The following GIGYF2 variants were observed in gnomAD, a reference collection of about 807,000 sequenced individuals.
GIGYF2 encodes GRB10-interacting GYF protein 2.
A neutral mutation model predicts 208.1 loss-of-function variants in GIGYF2; 25 were observed. The observed-to-expected ratio is 0.12, with a 90% confidence interval of 0.09 to 0.17. The LOEUF (loss-of-function observed/expected upper bound fraction) is 0.17. Ranked by LOEUF, GIGYF2 falls within the 10% of genes least tolerant of loss-of-function variation. The probability of loss-of-function intolerance (pLI) is 1.00; values close to 1 mark genes in which losing one functional copy is unlikely to be tolerated. For missense variants in GIGYF2, 1,302 were observed against 1,579.4 expected, an observed-to-expected ratio of 0.82 and a Z score of 2.98; for synonymous variants, 534 against 543.8, an observed-to-expected ratio of 0.98 and a Z score of 0.25.
chr2:232,808,103 T>C (rs1163981760), intron 15 of GIGYF2, among the ~76,000 whole-genome samples: 1 of 152,202 alleles, frequency 6.6e-6, no homozygotes, highest in Non-Finnish European at 1.5e-5. Context: ...CACAATCCAC[T>C]AATGTGTTGA....
intron 2 of GIGYF2, among the ~76,000 whole-genome samples, chr2:232,730,909 A>AG (rs1697460165): frequency 6.6e-6 from 1 of 151,348 alleles, no homozygotes; most frequent in Admixed American, 6.6e-5. Flanking sequence ...AAAAAAAAAA[A>AG]AAAAAAAAAA....
chr2:232,816,336 T>C (rs547473982), intron 19 of GIGYF2, among the ~76,000 whole-genome samples: 14 of 152,340 alleles, frequency 9.2e-5, no homozygotes, highest in Admixed American at 3.3e-4. Flanking sequence ...TTATACTTAA[T>C]GCATTCTTAT....
Position 232,858,673 on chromosome 2 carries a change from C to A in GIGYF2, c.*1813C>A. On this transcript the variant is annotated 3_prime_UTR_variant, in exon 29 of 29. Coordinates refer to ENST00000373563, the MANE Select transcript of GIGYF2 (RefSeq NM_001103146.3). ...TCACCTTTATGGAGGCTGAGTTCTG[C>A]ACTAAACTGTTCCTCTTGGTACCAT... The A allele has an allele frequency of 4.9e-6, 2 of 405,052 alleles. No individual in the cohort carries two copies. Among genetic ancestry groups the A allele is most frequent in the South Asian group, 1.8e-5 (1 of 55,310 alleles). The allele number at this position is 405,052 out of a possible 1,614,324, so 25.1% of individuals were successfully genotyped here.
intron 20 of GIGYF2, among the ~76,000 whole-genome samples, chr2:232,818,203 G>T (rs1479704533): frequency 6.6e-6 from 1 of 152,048 alleles, no homozygotes; most frequent in Non-Finnish European, 1.5e-5. Context: ...AAGTATCTTT[G>T]GCTAAGACTT....
Position 232,817,052 on chromosome 2 carries a change from G to T in GIGYF2, c.2370+20G>T. On this transcript the variant is annotated intron_variant, in intron 20 of 28. Coordinates refer to ENST00000373563, the MANE Select transcript of GIGYF2 (RefSeq NM_001103146.3). The stretch of plus-strand genomic sequence containing the variant: ...AAACAGGTATGTATCTGGGAACTCT[G>T]ACCATAGGATTAGTGCTTGATGAGG... 6.3e-7 allele frequency: 1 copy of T among 1,584,308 alleles called. No homozygotes were observed. The highest frequency in any genetic ancestry group is 1.1e-5 in the South Asian group (1 of 90,464).
At chr2:232,786,301 G>C (rs892532614) in intron 8 of GIGYF2, among the ~76,000 whole-genome samples, 1 of 151,908 alleles carries the variant, frequency 6.6e-6, no homozygotes, top group African/African-American at 2.4e-5. Context: ...ACAGTGTCGC[G>C]ATCTCTGCTT....
At chr2:232,839,313 A>G (rs1039893404) in intron 22 of GIGYF2, among the ~76,000 whole-genome samples, 5 of 152,228 alleles carry the variant, frequency 3.3e-5, no homozygotes, top group Non-Finnish European at 4.4e-5. Flanking sequence ...CTTAATGCTC[A>G]TGACTAGAAG....
chr2:232,759,494 T>C (rs921875617), intron 6 of GIGYF2, among the ~76,000 whole-genome samples: 2 of 152,200 alleles, frequency 1.3e-5, no homozygotes, highest in Admixed American at 6.5e-5. Context: ...TATAGCCTTC[T>C]TGACCCTAAC....
At chr2:232,798,970 ACT>A (rs2106372356) in intron 14 of GIGYF2, among the ~76,000 whole-genome samples, 1 of 149,672 alleles carries the variant, frequency 6.7e-6, no homozygotes, top group South Asian at 2.1e-4. Flanking sequence ...ATTGCCAGGG[ACT>A]GGAGGAAATC....
At chr2:232,828,371 C>CTT in intron 21 of GIGYF2, among the ~76,000 whole-genome samples, 1 of 138,930 alleles carries the variant, frequency 7.2e-6, no homozygotes, top group African/African-American at 2.6e-5. Flanking sequence ...AATTTATTGA[C>CTT]TTTTTTTTTT....
At chr2:232,825,618 C>T (rs1559459890) in intron 21 of GIGYF2, among the ~76,000 whole-genome samples, 2 of 152,096 alleles carry the variant, frequency 1.3e-5, no homozygotes, top group South Asian at 4.1e-4. Context: ...GGCATCTACA[C>T]CTGGTGAAGA....
intron 2 of GIGYF2, among the ~76,000 whole-genome samples, chr2:232,733,081 C>T (rs1697574616): frequency 1.3e-5 from 2 of 151,974 alleles, no homozygotes; most frequent in African/African-American, 4.8e-5. Context: ...ATGGTGAAAC[C>T]TTGTCTCTAC....
intron 17 of GIGYF2, 149 bp downstream of exon 17, chr2:232,811,500 A>T (rs1559449910): frequency 7.7e-6 from 5 of 653,012 alleles, no homozygotes; most frequent in East Asian, 2.8e-5. Context: ...AGTATATTTT[A>T]AAAAAATATT....
intron 4 of GIGYF2, among the ~76,000 whole-genome samples, chr2:232,748,028 C>T (rs1698213574): frequency 6.6e-6 from 1 of 152,102 alleles, no homozygotes; most frequent in Non-Finnish European, 1.5e-5. Flanking sequence ...TATTTGTATC[C>T]TAGTTCAGTG....
At chr2:232,728,620 C>A (rs1321559060) in intron 2 of GIGYF2, among the ~76,000 whole-genome samples, 2 of 152,060 alleles carry the variant, frequency 1.3e-5, no homozygotes, top group African/African-American at 4.8e-5. Context: ...AGAAAAAAAT[C>A]AAATTTGTAA....
At chr2:232,768,859 T>C in intron 8 of GIGYF2, 5 of 1,493,538 alleles carry the variant, frequency 3.3e-6, no homozygotes, top group Non-Finnish European at 4.6e-6. Flanking sequence ...AGACTTTAAA[T>C]ATCAATACTT....
At chr2:232,778,607 T>TG (rs1237539440) in intron 8 of GIGYF2, among the ~76,000 whole-genome samples, 2 of 152,072 alleles carry the variant, frequency 1.3e-5, no homozygotes, top group South Asian at 4.2e-4. Context: ...GTTTGATAAT[T>TG]GAGTCTATAA....
chr2:232,781,575 A>G (rs1699725503), intron 8 of GIGYF2, among the ~76,000 whole-genome samples: 1 of 151,704 alleles, frequency 6.6e-6, no homozygotes, highest in Admixed American at 6.6e-5. Flanking sequence ...TTTTTTTTTC[A>G]GGAGCATGCA....
At chr2:232,811,001 T>A (rs1700717861) in intron 16 of GIGYF2, 3 of 459,338 alleles carry the variant, frequency 6.5e-6, no homozygotes. Flanking sequence ...CACTGAATTG[T>A]GAATTTTTTT....
Sources: allele counts gnomAD v4.1 joint callset (sites outside exome capture counted in the v4.1 genomes callset), GRCh38; gene constraint gnomAD v4.1.1; transcripts MANE v1.5; gene names NCBI Gene and HGNC (gene_info 2026-07-23, HGNC 2026-07-21).